TNRC6B: variants seen among roughly 807,000 people sequenced by gnomAD.
TNRC6B encodes the protein trinucleotide repeat-containing gene 6B protein.
Under a neutral mutation model 203.6 loss-of-function variants are expected in TNRC6B, and 52 were observed. That is an observed-to-expected ratio of 0.26 (90% confidence interval 0.20 to 0.32). The LOEUF (loss-of-function observed/expected upper bound fraction) is 0.32. Among genes scored for constraint, TNRC6B ranks in the 10% least tolerant of loss-of-function variants. The pLI is 1.00. For synonymous variants in TNRC6B, 838 were observed against 845.7 expected, an observed-to-expected ratio of 0.99 and a Z score of 0.16; for missense variants, 1,923 against 2,286.2, an observed-to-expected ratio of 0.84 and a Z score of 3.24.
chr22:40,178,389 C>G (rs572589940), intron 1 of TNRC6B, among the ~76,000 whole-genome samples: 1 of 152,164 alleles, frequency 6.6e-6, no homozygotes, highest in South Asian at 2.1e-4. Flanking sequence ...AGATTTTCAT[C>G]ATCGTTTCTA....
Position 40,285,689 on chromosome 22 carries a change from A to G in TNRC6B, c.3627A>G (p.Arg1209=), listed in dbSNP as rs970095346. Residue 1209 remains arginine, a synonymous_variant, in exon 12 of 23, where the codon AGA becomes AGG. Transcript: ENST00000454349. ...TTGGAAACAGCACAGCACAATCGAG[A>G]GGTCTGCACACACCCGTGCAGCCAC... ...GLFGNSTAQS[R]GLHTPVQPLN... The G allele has an allele frequency of 6.8e-6, 11 of 1,613,906 alleles. No individual in the cohort carries two copies. The highest frequency in any genetic ancestry group is 9.3e-6 in the Non-Finnish European group (11 of 1,179,858).
chr22:40,116,977 CA>C (rs1356073182), intron 1 of TNRC6B: 1 of 152,512 alleles, frequency 6.6e-6, no homozygotes, highest in Admixed American at 6.5e-5. Flanking sequence ...TGGATTTCCA[CA>C]AGTCTGCCTG....
intron 1 of TNRC6B, among the ~76,000 whole-genome samples, chr22:40,088,067 A>AT (rs1179993631): frequency 6.6e-6 from 1 of 152,244 alleles, no homozygotes; most frequent in Non-Finnish European, 1.5e-5. Context: ...GAAACTTTTA[A>AT]TAAACGGAAT....
chr22:40,222,371 A>T (rs540517703), intron 1 of TNRC6B, among the ~76,000 whole-genome samples: 1 of 152,328 alleles, frequency 6.6e-6, no homozygotes, highest in Non-Finnish European at 1.5e-5. Context: ...CCTTACTAGG[A>T]CCAGAAGAAA....
intron 3 of TNRC6B, among the ~76,000 whole-genome samples, chr22:40,137,029 A>C (rs1368634505): frequency 6.6e-6 from 1 of 152,130 alleles, no homozygotes; most frequent in Non-Finnish European, 1.5e-5. Context: ...AAAGAACTGC[A>C]AGATCTGTTC....
At chr22:40,288,186 A>G (rs2070813113) in intron 12 of TNRC6B, among the ~76,000 whole-genome samples, 2 of 152,262 alleles carry the variant, frequency 1.3e-5, no homozygotes, top group Admixed American at 1.3e-4. Flanking sequence ...TTTGCTTAGG[A>G]TTTGGGACTT....
chr22:40,276,871 T>A (rs2070651832), intron 7 of TNRC6B: 1 of 382,666 alleles, frequency 2.6e-6, no homozygotes, highest in Non-Finnish European at 4.6e-6. Flanking sequence ...TGGTTCAGTG[T>A]GGTGAATTTT....
intron 1 of TNRC6B, among the ~76,000 whole-genome samples, chr22:40,057,419 G>A (rs1408023388): frequency 1.3e-5 from 2 of 150,260 alleles, no homozygotes; most frequent in Admixed American, 6.7e-5. Context: ...TCAGCCTCCC[G>A]AGTAGCTGGG....
chr22:40,125,311 C>T (rs1037532401), intron 2 of TNRC6B, among the ~76,000 whole-genome samples: 2 of 152,122 alleles, frequency 1.3e-5, no homozygotes, highest in Admixed American at 6.5e-5. Flanking sequence ...AAAGCAGGAA[C>T]GTTATTCATA....
rs1022235130 is a variant in TNRC6B at position 40,266,442 on chromosome 22, C to T, written c.2212C>T (p.Pro738Ser). The change falls in exon 5 of 23, where the codon CCC (proline) becomes TCC (serine). Residue 738 changes from proline (P) to serine (S), a missense_variant. This residue lies in a region of TNRC6B where 599 missense variants were observed against 656.5 expected (regional missense o/e 0.91). Transcript: ENST00000454349. Reference sequence around the variant, plus strand: ...TCAGGGGTGGGGAGGTGGACGCCAGCCCAATCAAGGATGGTCTTCTGGAAA... The same window carrying T: ...TCAGGGGTGGGGAGGTGGACGCCAGTCCAATCAAGGATGGTCTTCTGGAAA... ...KDQGWGGGRQ[P>S]NQGWSSGKNG... 3.3e-5 allele frequency: 54 copies of T among 1,613,652 alleles called. No individual in the cohort carries two copies. Among genetic ancestry groups the T allele is most frequent in the Non-Finnish European group, 4.2e-5 (49 of 1,179,818 alleles).
At chr22:40,307,271 T>C (rs1408429812) in intron 15 of TNRC6B, among the ~76,000 whole-genome samples, 4 of 151,946 alleles carry the variant, frequency 2.6e-5, no homozygotes, top group African/African-American at 4.8e-5. Context: ...GAGATGAAAA[T>C]TGAGGACCCT....
chr22:40,248,835 G>A (rs1423357226), intron 2 of TNRC6B, among the ~76,000 whole-genome samples: 1 of 152,230 alleles, frequency 6.6e-6, no homozygotes, highest in Non-Finnish European at 1.5e-5. Context: ...AATCTAGGCT[G>A]ACGCAGGCTG....
intron 1 of TNRC6B, among the ~76,000 whole-genome samples, chr22:40,231,192 C>T (rs2069864675): frequency 6.6e-6 from 1 of 152,132 alleles, no homozygotes; most frequent in Admixed American, 6.5e-5. Context: ...TGTGTAAGTC[C>T]TCCAACTTGG....
In TNRC6B at chr22:40,327,228, A is replaced by G. The variant is rs761792167; in HGVS notation, c.*3987A>G. 2 of 152,738 alleles carry G rather than the reference A, an allele frequency of 1.3e-5. No individual in the cohort carries two copies. The highest frequency in any genetic ancestry group is 2.4e-5 in the African/African-American group (1 of 41,460). 9.5% of individuals were successfully genotyped at this position (152,738 alleles called of 1,614,324 possible). On this transcript the variant is annotated 3_prime_UTR_variant, in exon 23 of 23. Coordinates refer to ENST00000454349, the MANE Select transcript of TNRC6B (RefSeq NM_001162501.2). ...CAGACATCCTGAGCAAGGGGGACGC[A>G]CATGTGTGTGTGTGTGGTCCAGTCA...
chr22:40,331,512 C>T lies in TNRC6B; in HGVS notation c.*8271C>T. 1 of 370,714 alleles carries T rather than the reference C, an allele frequency of 2.7e-6. No homozygotes were observed. The highest frequency in any genetic ancestry group is 4.8e-6 in the Non-Finnish European group (1 of 207,036). The allele number at this position is 370,714 out of a possible 1,614,324, so 23.0% of individuals were successfully genotyped here. A position where few individuals can be genotyped will look rare whatever the true frequency, so the allele number is the denominator to read the frequency against. ...AACAGTCCCTCCCACTCGATTCCTT[C>T]AGCTTCATTCAGGAAGACACAGGGA... On this transcript the variant is annotated 3_prime_UTR_variant, in exon 23 of 23. Coordinates refer to ENST00000454349, the MANE Select transcript of TNRC6B (RefSeq NM_001162501.2).
In TNRC6B at chr22:40,313,005, T is replaced by G; in HGVS notation, c.4678+8T>G. 6.2e-7 allele frequency: 1 copy of G among 1,609,206 alleles called. No individual in the cohort carries two copies. The highest frequency in any genetic ancestry group is 1.7e-4 in the Middle Eastern group (1 of 6,058). On this transcript the variant is annotated splice_region_variant and intron_variant, in intron 19 of 22. Coordinates refer to ENST00000454349, the MANE Select transcript of TNRC6B (RefSeq NM_001162501.2). ...ACGTTCATAGCACTTCAGGTATGAG[T>G]GTGAATTTTTTGTTTCCCTTTGGTT...
At chr22:40,217,999 A>G (rs1266555044) in intron 1 of TNRC6B, among the ~76,000 whole-genome samples, 1 of 150,760 alleles carries the variant, frequency 6.6e-6, no homozygotes, top group Non-Finnish European at 1.5e-5. Context: ...AATTACTGAA[A>G]TAAGCACAGA....
At chr22:40,178,244 A>G (rs1390566929) in intron 1 of TNRC6B, 104 bp downstream of exon 1, 4 of 1,340,208 alleles carry the variant, frequency 3.0e-6, no homozygotes, top group Non-Finnish European at 4.2e-6. Flanking sequence ...TAGCATGGAG[A>G]CTGGCTTCAG....
intron 4 of TNRC6B, among the ~76,000 whole-genome samples, chr22:40,165,280 A>C (rs2068909121): frequency 6.6e-6 from 1 of 151,824 alleles, no homozygotes; most frequent in Admixed American, 6.6e-5. Context: ...GGACTCAAGC[A>C]ATCCTCCCAC....
Sources: gnomAD v4.1 joint callset for allele counts (sites outside exome capture counted in the v4.1 genomes callset) on GRCh38, gnomAD v4.1.1 for gene constraint, gnomAD v4.1.1 regional missense constraint, MANE v1.5 for transcripts, NCBI Gene and HGNC (gene_info 2026-07-23, HGNC 2026-07-21) for gene names.